RMND1: variants seen among roughly 807,000 people sequenced by gnomAD.
RMND1 encodes the protein required for meiotic nuclear division 1 homolog, also known as required for meiotic nuclear division protein 1 homolog.
In RMND1, 41 loss-of-function variants were observed where a neutral mutation model predicts 54.0. That is an observed-to-expected ratio of 0.76 (90% CI 0.59 to 0.98). The LOEUF is 0.98. Ranked by LOEUF, RMND1 falls within the 50% of genes least tolerant of loss-of-function variation. The pLI is 0.00. For missense variants in RMND1, 457 were observed against 532.0 expected (o/e 0.86, Z 1.39); for synonymous variants, 183 against 181.7 (o/e 1.01, Z -0.06).
intron 2 of RMND1, 84 bp from the exon 3 acceptor site, chr6:151,436,638 T>C: frequency 3.7e-6 from 5 of 1,344,196 alleles, no homozygotes; most frequent in Non-Finnish European, 5.2e-6. Flanking sequence ...CTGGACTCCA[T>C]TCTGCAAAGC....
chr6:151,427,402 CATA>C, intron 6 of RMND1, 77 bp downstream of exon 6: 1 of 786,244 alleles, frequency 1.3e-6, no homozygotes, highest in East Asian at 2.7e-5. Context: ...TTTCCATATG[CATA>C]ATAATTTGTC....
chr6:151,451,210 A>AAAC (rs1781180129), intron 1 of RMND1, among the ~76,000 whole-genome samples: 1 of 151,664 alleles, frequency 6.6e-6, no homozygotes, highest in Non-Finnish European at 1.5e-5. Context: ...AAAAAAAAAA[A>AAAC]AAAAAAAAAC....
At chr6:151,418,259 C>A (rs1260835128) in intron 9 of RMND1, among the ~76,000 whole-genome samples, 2 of 152,016 alleles carry the variant, frequency 1.3e-5, no homozygotes, top group Non-Finnish European at 2.9e-5. Context: ...ACAAAAAATA[C>A]AAGAACTAGC....
Position 151,427,547 on chromosome 6 carries a change from T to C in RMND1, c.765A>G (p.Glu255=). The C allele has an allele frequency of 6.2e-7, 1 of 1,612,194 alleles. No individual in the cohort carries two copies. The highest frequency in any genetic ancestry group is 8.5e-7 in the Non-Finnish European group (1 of 1,178,554). The change falls in exon 6 of 12, where the codon GAA becomes GAG. Residue 255 remains glutamate, a synonymous_variant. Transcript: ENST00000444024. ...KHVMKVLEKH[E]IQPYEIALVH... ...CCAGTGCGATTTCATAGGGCTGAAT[T>C]TCATGTTTTTCTAGAACTTTCATCA...
intron 8 of RMND1, among the ~76,000 whole-genome samples, chr6:151,421,762 A>G (rs1487011936): frequency 6.6e-6 from 1 of 152,186 alleles, no homozygotes; most frequent in Non-Finnish European, 1.5e-5. Flanking sequence ...AAAAGTGGTC[A>G]TAATTTCCAT....
chr6:151,407,560 A>T (rs1003015611), intron 10 of RMND1, among the ~76,000 whole-genome samples: 2 of 152,104 alleles, frequency 1.3e-5, no homozygotes, highest in East Asian at 3.9e-4. Context: ...AAGTCTAACA[A>T]CTTAGCTTCG....
chr6:151,417,190 A>G lies in RMND1; in HGVS notation c.1200+89T>C. On this transcript the variant is annotated intron_variant, in intron 10 of 11. Coordinates refer to ENST00000444024, the MANE Select transcript of RMND1 (RefSeq NM_017909.4). ...ATAAAGAGATTTGAATGGAAGTCAA[A>G]CAAGATATTTCTCTGCAAGCAGTTA... 2.2e-6 allele frequency: 3 copies of G among 1,379,376 alleles called. No homozygotes were observed. The Admixed American group carries it at 6.9e-5, about 32-fold the overall frequency. 85.4% of individuals were successfully genotyped at this position (1,379,376 alleles called of 1,614,324 possible).
In RMND1 at chr6:151,422,621, A is replaced by G. The variant is rs1054087908; in HGVS notation, c.938-16T>C. 1.5e-6 allele frequency: 2 copies of G among 1,311,302 alleles called. No individual in the cohort carries two copies. Among genetic ancestry groups the G allele is most frequent in the South Asian group, 2.8e-5 (2 of 70,498 alleles). 81.2% of individuals were successfully genotyped at this position (1,311,302 alleles called of 1,614,324 possible). A position where few individuals can be genotyped will look rare whatever the true frequency, so the allele number is the denominator to read the frequency against. ...GCCAGTTTTACTGGGAAAAAAATTAATAATGGAACATTTCTTTATCATCAT... is the reference window on the plus strand; with the variant it reads ...GCCAGTTTTACTGGGAAAAAAATTAGTAATGGAACATTTCTTTATCATCAT... On this transcript the variant is annotated splice_polypyrimidine_tract_variant and intron_variant, in intron 7 of 11. Coordinates refer to ENST00000444024, the MANE Select transcript of RMND1 (RefSeq NM_017909.4).
chr6:151,433,155 C>T lies in RMND1; in HGVS notation c.689G>A (p.Arg230Lys). 2 of 1,606,312 alleles carry T rather than the reference C, an allele frequency of 1.2e-6. No homozygotes were observed. Among genetic ancestry groups the T allele is most frequent in the Non-Finnish European group, 1.7e-6 (2 of 1,174,282 alleles). The change falls in exon 4 of 12, where the codon AGG (arginine) becomes AAG (lysine). Residue 230 changes from arginine to lysine, a missense_variant and splice_region_variant. Coordinates refer to ENST00000444024, the MANE Select transcript of RMND1 (RefSeq NM_017909.4). The part of the protein sequence containing the change: ...EGDPGTIFFF[R>K]EGAAVFWNVK... ...TAATGGGGTTTCTTTCCTGTCTTAC[C>T]TGAAGAAGAATATTGTTCCAGGATC...
chr6:151,413,636 T>C (rs1779920386), intron 10 of RMND1, among the ~76,000 whole-genome samples: 1 of 152,236 alleles, frequency 6.6e-6, no homozygotes. Context: ...ATAAAGCTTT[T>C]AGTATCCCTC....
intron 10 of RMND1, among the ~76,000 whole-genome samples, chr6:151,409,481 T>TG (rs1321017567): frequency 2.6e-5 from 4 of 151,810 alleles, no homozygotes; most frequent in South Asian, 2.1e-4. Flanking sequence ...TTTTCTGGGG[T>TG]GGGGGGGAAT....
chr6:151,416,689 G>A (rs1780017420), intron 10 of RMND1: 1 of 152,236 alleles, frequency 6.6e-6, no homozygotes, highest in Non-Finnish European at 1.5e-5. Flanking sequence ...CTCCCAAAGT[G>A]CTGGGATTTC....
chr6:151,446,422 G>GA lies in RMND1; in HGVS notation c.-14-598dup, dbSNP rs78186986. Reference sequence around the variant, plus strand: ...CATTCCAGCCCTTTTTCTGTCTCAGGAAAAAAAAAAAAAAAATCAGGAAAG... The same window carrying GA: ...CATTCCAGCCCTTTTTCTGTCTCAGGAAAAAAAAAAAAAAAAATCAGGAAAG... On this transcript the variant is annotated intron_variant, in intron 1 of 11. Transcript: ENST00000444024. Among the ~76,000 whole-genome samples the GA allele has an allele frequency of 5.4e-3, 713 of 132,994 alleles. 2 individuals carry two copies. Among genetic ancestry groups the GA allele is most frequent in the African/African-American group, 8.0e-3 (291 of 36,494 alleles). 87.2% of individuals were successfully genotyped at this position (132,994 alleles called of 152,430 possible). A position where few individuals can be genotyped will look rare whatever the true frequency, so the allele number is the denominator to read the frequency against.
At chr6:151,450,925 CAT>C (rs1220490426) in intron 1 of RMND1, among the ~76,000 whole-genome samples, 1 of 152,188 alleles carries the variant, frequency 6.6e-6, no homozygotes, top group Non-Finnish European at 1.5e-5. Context: ...CTCTCTGAAA[CAT>C]GTGCTGTGTC....
chr6:151,406,401 C>T (rs530029000), intron 10 of RMND1, among the ~76,000 whole-genome samples: 8 of 152,108 alleles, frequency 5.3e-5, no homozygotes, highest in South Asian at 2.1e-4. Flanking sequence ...CTCCCTCTGT[C>T]GCCCAGGCCG....
chr6:151,439,874 G>A (rs1267554529), intron 2 of RMND1, among the ~76,000 whole-genome samples: 1 of 152,098 alleles, frequency 6.6e-6, no homozygotes, highest in Non-Finnish European at 1.5e-5. Context: ...TGGTCAGGCT[G>A]GCCTCAAACT....
chr6:151,442,632 C>T (rs1025480624), intron 2 of RMND1, among the ~76,000 whole-genome samples: 11 of 151,996 alleles, frequency 7.2e-5, no homozygotes, highest in African/African-American at 2.4e-4. Context: ...GGAGCTCAAG[C>T]GATCCTCCCA....
At position 151,445,459 on chromosome 6, in the gene RMND1, C is replaced by T. The variant is rs1780927053; in HGVS notation, c.353G>A (p.Trp118Ter). 1 of 1,614,116 alleles carries T rather than the reference C, an allele frequency of 6.2e-7. No homozygotes were observed. Among genetic ancestry groups the T allele is most frequent in the Non-Finnish European group, 8.5e-7 (1 of 1,180,020 alleles). Residue 118 changes from tryptophan (W) to a stop codon, truncating the protein, a stop_gained, in exon 2 of 12, where the codon TGG (tryptophan) becomes TAG (stop). Transcript: ENST00000444024. LOFTEE classifies it high-confidence loss of function. ...THKPNLLGSK[W>*]FIKILKRHFS... ...ATGCCTCTTTAATATTTTTATAAAC[C>T]ATTTAGAACCCAACAGATTTGGTTT... is the stretch of plus-strand genomic sequence containing the variant.
intron 4 of RMND1, among the ~76,000 whole-genome samples, chr6:151,431,838 T>C (rs1322912455): frequency 6.6e-6 from 1 of 152,096 alleles, no homozygotes; most frequent in Non-Finnish European, 1.5e-5. Flanking sequence ...AACATATTTG[T>C]GTTGTTCAAA....
Sources: allele counts gnomAD v4.1 joint callset (sites outside exome capture counted in the v4.1 genomes callset), GRCh38; gene constraint gnomAD v4.1.1; transcripts MANE v1.5; gene names NCBI Gene and HGNC (gene_info 2026-07-23, HGNC 2026-07-21).